The following CHRM2 variants were observed in gnomAD, a reference collection of about 807,000 sequenced individuals.
The protein encoded by CHRM2 is muscarinic acetylcholine receptor M2.
In CHRM2, 8 loss-of-function variants were observed where a neutral mutation model predicts 25.0. The observed-to-expected ratio is 0.32, with a 90% CI of 0.19 to 0.58. CHRM2 has a LOEUF of 0.58. Ranked by LOEUF, CHRM2 falls within the 20% of genes least tolerant of loss-of-function variation. The pLI is 0.88. For missense variants in CHRM2, 440 were observed against 567.1 expected, an observed-to-expected ratio of 0.78 and a Z score of 2.28; for synonymous variants, 202 against 205.7, an observed-to-expected ratio of 0.98 and a Z score of 0.15.
chr7:136,937,836 G>C (rs1237880060), intron 2 of CHRM2, among the ~76,000 whole-genome samples: 1 of 152,120 alleles, frequency 6.6e-6, no homozygotes, highest in African/African-American at 2.4e-5. Flanking sequence ...CTTAGAAAGG[G>C]GAAACAGAAC....
intron 3 of CHRM2, among the ~76,000 whole-genome samples, chr7:137,003,910 T>C (rs1563120769): frequency 6.6e-6 from 1 of 152,182 alleles, no homozygotes; most frequent in Non-Finnish European, 1.5e-5. Context: ...AAGGGGCTTT[T>C]CCCCTTTTGC....
intron 2 of CHRM2, among the ~76,000 whole-genome samples, chr7:136,937,019 T>C (rs1426700048): frequency 1.3e-5 from 2 of 152,210 alleles, no homozygotes; most frequent in Non-Finnish European, 2.9e-5. Flanking sequence ...GAGTTTCTTA[T>C]AAGCAAAGTG....
rs1459794865 is a variant in CHRM2 at position 136,869,595 on chromosome 7, T to C, written c.-125+177T>C. 1.3e-5 allele frequency among the ~76,000 whole-genome samples: 2 copies of C among 152,076 alleles called. No homozygotes were observed. Among genetic ancestry groups the C allele is most frequent in the Non-Finnish European group, 2.9e-5 (2 of 68,004 alleles). On this transcript the variant is annotated intron_variant, in intron 2 of 3. Coordinates refer to ENST00000680005, the MANE Select transcript of CHRM2 (RefSeq NM_001006630.2). The surrounding 1 kb of genome is among the most constrained non-coding windows in gnomAD (Gnocchi z 4.9). ...AACGGAAACTTTGGATCCTGGGGCT[T>C]GGAGGGTTGCGAGCAGTGATGGCGG...
chr7:136,909,833 A>G (rs756141243), intron 2 of CHRM2, among the ~76,000 whole-genome samples: 1 of 151,976 alleles, frequency 6.6e-6, no homozygotes, highest in Non-Finnish European at 1.5e-5. Flanking sequence ...ATACATTTGT[A>G]GCAGACCACT....
At chr7:136,909,985 C>A (rs540000002) in intron 2 of CHRM2, among the ~76,000 whole-genome samples, 1 of 150,382 alleles carries the variant, frequency 6.6e-6, no homozygotes, top group Admixed American at 6.6e-5. Context: ...TACACATACA[C>A]CCCCCCCAAC....
At chr7:136,912,393 T>C (rs529067425) in intron 2 of CHRM2, among the ~76,000 whole-genome samples, 48 of 152,064 alleles carry the variant, frequency 3.2e-4, no homozygotes, top group Non-Finnish European at 5.0e-4. Context: ...TGCTGATCCA[T>C]GTATATCATA....
chr7:136,971,340 T>G (rs1247011218), intron 2 of CHRM2, among the ~76,000 whole-genome samples: 1 of 152,090 alleles, frequency 6.6e-6, no homozygotes, highest in African/African-American at 2.4e-5. Flanking sequence ...TTCAGTAAGT[T>G]TAAAGACTTG....
intron 2 of CHRM2, among the ~76,000 whole-genome samples, chr7:136,888,460 G>A (rs1231893548): frequency 6.6e-6 from 1 of 152,084 alleles, no homozygotes; most frequent in Admixed American, 6.6e-5. Flanking sequence ...TATTTTAGCA[G>A]GTTTTCAGAA....
chr7:136,878,457 C>T (rs1796133501), intron 2 of CHRM2, among the ~76,000 whole-genome samples: 2 of 151,862 alleles, frequency 1.3e-5, no homozygotes, highest in Admixed American at 6.6e-5. Flanking sequence ...TATCATTCAA[C>T]AGTAAACAAG....
rs559983765 is a variant in CHRM2 at position 136,869,896 on chromosome 7, G to C, written c.-125+478G>C. ...TCTGACCGCGTCTTCTGTGCGTGTGGGATGGAGGCCCGGCTCGCTCGGGCT... is the reference window on the plus strand; with the variant it reads ...TCTGACCGCGTCTTCTGTGCGTGTGCGATGGAGGCCCGGCTCGCTCGGGCT... On this transcript the variant is annotated intron_variant, in intron 2 of 3. Transcript: ENST00000680005. This position sits in a 1 kb window ranked among gnomAD's most constrained non-coding sequence, Gnocchi z 4.9. 6.5e-6 allele frequency: 1 copy of C among 152,692 alleles called. No homozygotes were observed. The highest frequency in any genetic ancestry group is 1.5e-5 in the Non-Finnish European group (1 of 68,360). 9.5% of individuals were successfully genotyped at this position (152,692 alleles called of 1,614,324 possible).
At chr7:136,983,330 T>C (rs1317100011) in intron 2 of CHRM2, among the ~76,000 whole-genome samples, 3 of 152,184 alleles carry the variant, frequency 2.0e-5, no homozygotes, top group Non-Finnish European at 2.9e-5. Context: ...GTTATTCCAG[T>C]TAGCAATTTT....
intron 2 of CHRM2, among the ~76,000 whole-genome samples, chr7:136,875,118 C>T (rs927872750): frequency 2.0e-5 from 3 of 149,174 alleles, no homozygotes; most frequent in Non-Finnish European, 3.0e-5. Context: ...TATATACACA[C>T]ATATATACAT....
chr7:136,928,398 T>C, intron 2 of CHRM2, among the ~76,000 whole-genome samples: 1 of 152,220 alleles, frequency 6.6e-6, no homozygotes, highest in East Asian at 1.9e-4. Context: ...GTAGTAGATG[T>C]TTAATAATTT....
At position 136,869,665 on chromosome 7, in the gene CHRM2, C is replaced by A. The variant is rs1220465584; in HGVS notation, c.-125+247C>A. On this transcript the variant is annotated intron_variant, in intron 2 of 3. Coordinates refer to ENST00000680005, the MANE Select transcript of CHRM2 (RefSeq NM_001006630.2). The surrounding 1 kb of genome is among the most constrained non-coding windows in gnomAD (Gnocchi z 4.9). Reference sequence around the variant, plus strand: ...ACGAGGCACAGCGCGAGGCGAGGTACCCCTACGATTCCGACGGTCACTGAG... The same window carrying A: ...ACGAGGCACAGCGCGAGGCGAGGTAACCCTACGATTCCGACGGTCACTGAG... 2 of 152,422 alleles carry A rather than the reference C, an allele frequency of 1.3e-5. No homozygotes were observed. The highest frequency in any genetic ancestry group is 2.9e-5 in the Non-Finnish European group (2 of 68,228). The allele number at this position is 152,422 out of a possible 1,614,324, so 9.4% of individuals were successfully genotyped here. A position where few individuals can be genotyped will look rare whatever the true frequency, so the allele number is the denominator to read the frequency against.
chr7:137,004,538 G>A (rs761441415), intron 3 of CHRM2, among the ~76,000 whole-genome samples: 12 of 152,088 alleles, frequency 7.9e-5, no homozygotes, highest in Non-Finnish European at 1.6e-4. Flanking sequence ...AAGGGGCTGA[G>A]GTCTTCGGAA....
chr7:137,012,685 GAA>G (rs1584924019), intron 3 of CHRM2, among the ~76,000 whole-genome samples: 1 of 151,910 alleles, frequency 6.6e-6, no homozygotes, highest in East Asian at 1.9e-4. Context: ...CCTTGTCAAT[GAA>G]TAGTTTTAAT....
intron 2 of CHRM2, among the ~76,000 whole-genome samples, chr7:136,913,652 G>A (rs1223845574): frequency 6.6e-6 from 1 of 151,890 alleles, no homozygotes; most frequent in African/African-American, 2.4e-5. Flanking sequence ...GTCTCACTCT[G>A]TTGCCCTAAT....
chr7:136,898,133 G>T (rs1424372824), intron 2 of CHRM2, among the ~76,000 whole-genome samples: 2 of 152,084 alleles, frequency 1.3e-5, no homozygotes, highest in African/African-American at 4.8e-5. Context: ...AAAACAGAGG[G>T]TTCGTTTACA....
chr7:136,899,961 T>A (rs951613665), intron 2 of CHRM2: 1 of 152,132 alleles, frequency 6.6e-6, no homozygotes, highest in African/African-American at 2.4e-5. Flanking sequence ...TTGAAAATTA[T>A]CTAGAATAAT....
Sources: gnomAD v4.1 joint callset for allele counts (sites outside exome capture counted in the v4.1 genomes callset) on GRCh38, gnomAD v4.1.1 for gene constraint, Gnocchi (gnomAD v3.1) non-coding constraint, MANE v1.5 for transcripts, NCBI Gene and HGNC (gene_info 2026-07-23, HGNC 2026-07-21) for gene names.